MOB3B: variants seen among roughly 807,000 people sequenced by gnomAD.
The protein encoded by MOB3B is MOB kinase activator-like 2B.
Under a neutral mutation model 18.7 loss-of-function variants are expected in MOB3B, and 7 were observed. The ratio of observed to expected loss-of-function variants is 0.37; its 90% CI spans 0.21 to 0.70. The LOEUF (loss-of-function observed/expected upper bound fraction) is 0.70. Ranked by LOEUF, MOB3B falls within the 30% of genes least tolerant of loss-of-function variation. The pLI is 0.52. For missense variants in MOB3B, 253 were observed against 281.3 expected, an observed-to-expected ratio of 0.90 and a Z score of 0.72; for synonymous variants, 111 against 99.9, an observed-to-expected ratio of 1.11 and a Z score of -0.66.
chr9:27,472,023 T>C (rs1316683739), intron 1 of MOB3B, among the ~76,000 whole-genome samples: 1 of 152,216 alleles, frequency 6.6e-6, no homozygotes, highest in African/African-American at 2.4e-5. Flanking sequence ...AACCACAATG[T>C]GTAGACTTGT....
intron 3 of MOB3B, among the ~76,000 whole-genome samples, chr9:27,350,794 GAC>G (rs943896710): frequency 8.6e-5 from 13 of 151,824 alleles, no homozygotes; most frequent in African/African-American, 3.1e-4. Context: ...TGCCACCCTG[GAC>G]ACACATATAC....
chr9:27,362,681 T>A (rs1821290227), intron 2 of MOB3B, among the ~76,000 whole-genome samples: 1 of 152,190 alleles, frequency 6.6e-6, no homozygotes, highest in Non-Finnish European at 1.5e-5. Flanking sequence ...GCAAAGAGGT[T>A]GGGAGCCCTC....
chr9:27,522,945 C>T (rs966798854), intron 1 of MOB3B, among the ~76,000 whole-genome samples: 6 of 150,416 alleles, frequency 4.0e-5, no homozygotes, highest in African/African-American at 1.5e-4. Flanking sequence ...CCGTAAGAAA[C>T]CTTTCCTAAA....
chr9:27,428,936 C>G (rs1418589462), intron 2 of MOB3B, among the ~76,000 whole-genome samples: 2 of 152,196 alleles, frequency 1.3e-5, no homozygotes, highest in Non-Finnish European at 2.9e-5. Flanking sequence ...TTCCCACCAC[C>G]TGGTGGAACA....
chr9:27,481,588 T>C (rs577682956), intron 1 of MOB3B, among the ~76,000 whole-genome samples: 35 of 145,960 alleles, frequency 2.4e-4, no homozygotes, highest in Middle Eastern at 3.6e-3. Flanking sequence ...TACAGTGGCG[T>C]GATCTCGGCT....
intron 2 of MOB3B, among the ~76,000 whole-genome samples, chr9:27,406,762 G>A (rs905721892): frequency 4.6e-5 from 7 of 151,474 alleles, no homozygotes; most frequent in South Asian, 2.1e-4. Flanking sequence ...AGACTTAATC[G>A]AAGACCTGAA....
chr9:27,500,911 A>G (rs1024638622), intron 1 of MOB3B, among the ~76,000 whole-genome samples: 5 of 152,132 alleles, frequency 3.3e-5, no homozygotes, highest in Non-Finnish European at 7.3e-5. Context: ...AGAAAAAAAC[A>G]AACAACCCCA....
chr9:27,477,965 TAGA>T (rs1786180123), intron 1 of MOB3B, among the ~76,000 whole-genome samples: 1 of 152,004 alleles, frequency 6.6e-6, no homozygotes, highest in African/African-American at 2.4e-5. Context: ...AAAACAGGAC[TAGA>T]AGAACTACCA....
intron 2 of MOB3B, among the ~76,000 whole-genome samples, chr9:27,443,267 T>A (rs578169340): frequency 6.6e-6 from 1 of 152,274 alleles, no homozygotes; most frequent in South Asian, 2.1e-4. Flanking sequence ...CTTAAGGGTA[T>A]TTGACACCAA....
chr9:27,468,566 C>T (rs1362091674), intron 1 of MOB3B, among the ~76,000 whole-genome samples: 1 of 152,062 alleles, frequency 6.6e-6, no homozygotes, highest in Non-Finnish European at 1.5e-5. Context: ...ATGCGAATGC[C>T]CCAGGACCAC....
intron 1 of MOB3B, among the ~76,000 whole-genome samples, chr9:27,508,830 C>T (rs1820095623): frequency 6.6e-6 from 1 of 152,048 alleles, no homozygotes. Flanking sequence ...GAAAATAGGG[C>T]CCATTGAGGC....
chr9:27,523,471 AAAAAAGAAAAG>A (rs888209388), intron 1 of MOB3B, among the ~76,000 whole-genome samples: 2 of 151,964 alleles, frequency 1.3e-5, no homozygotes, highest in African/African-American at 2.4e-5. Flanking sequence ...CACCAAAAAA[AAAAAAGAAAAG>A]AAAAGAAAAG....
intron 2 of MOB3B, among the ~76,000 whole-genome samples, chr9:27,415,669 T>C (rs559380438): frequency 1.3e-5 from 2 of 152,312 alleles, no homozygotes; most frequent in South Asian, 4.1e-4. Flanking sequence ...CCCCATCAGC[T>C]AACTGTGTGA....
chr9:27,422,745 G>A (rs1231689413), intron 2 of MOB3B, among the ~76,000 whole-genome samples: 1 of 152,194 alleles, frequency 6.6e-6, no homozygotes, highest in Admixed American at 6.5e-5. Flanking sequence ...ACCACAAATT[G>A]TACTTTGCTT....
intron 2 of MOB3B, among the ~76,000 whole-genome samples, chr9:27,398,599 T>C (rs1475911629): frequency 6.6e-6 from 1 of 152,122 alleles, no homozygotes; most frequent in Non-Finnish European, 1.5e-5. Context: ...AATTTGGAAG[T>C]CATGATTGAG....
chr9:27,488,551 G>T (rs1819765796), intron 1 of MOB3B, among the ~76,000 whole-genome samples: 1 of 152,144 alleles, frequency 6.6e-6, no homozygotes, highest in Non-Finnish European at 1.5e-5. Flanking sequence ...GGGATTACAG[G>T]CAAGCGCCAC....
rs1820739650 is a variant in MOB3B, at chr9:27,328,289, T to C, written c.*2298A>G. ...GCTGAAGCTCCATTTATAACAGAGA[T>C]GAACAGTTAGATGCAGTCAAGCAGA... On this transcript the variant is annotated 3_prime_UTR_variant, in exon 4 of 4. Coordinates refer to ENST00000262244, the MANE Select transcript of MOB3B (RefSeq NM_024761.5). 6.6e-6 allele frequency: 1 copy of C among 151,428 alleles called. No individual in the cohort carries two copies. Among genetic ancestry groups the C allele is most frequent in the African/African-American group, 2.4e-5 (1 of 41,172 alleles). The allele number at this position is 151,428 out of a possible 1,614,324, so 9.4% of individuals were successfully genotyped here. A position where few individuals can be genotyped will look rare whatever the true frequency, so the allele number is the denominator to read the frequency against.
At chr9:27,358,937 C>A (rs113644734) in intron 3 of MOB3B, 97 bp downstream of exon 3, 1 of 1,246,856 alleles carries the variant, frequency 8.0e-7, no homozygotes, top group East Asian at 2.3e-5. Flanking sequence ...TAACAGCTAG[C>A]CATCAATGAG....
chr9:27,506,595 G>C (rs1379929669), intron 1 of MOB3B, among the ~76,000 whole-genome samples: 1 of 150,670 alleles, frequency 6.6e-6, no homozygotes, highest in Non-Finnish European at 1.5e-5. Flanking sequence ...GCAGTGGCTT[G>C]ATCTCAGCTC....
Sources: allele counts gnomAD v4.1 joint callset (sites outside exome capture counted in the v4.1 genomes callset), GRCh38; gene constraint gnomAD v4.1.1; transcripts MANE v1.5; gene names NCBI Gene and HGNC (gene_info 2026-07-23, HGNC 2026-07-21).